Variants in CTNNA3 observed in about 807,000 individuals in gnomAD.
CTNNA3 encodes the protein catenin alpha-3.
CTNNA3 carries 76 observed loss-of-function variants against 95.7 expected under a neutral mutation model. The ratio of observed to expected loss-of-function variants is 0.79; its 90% CI spans 0.66 to 0.96. The LOEUF (loss-of-function observed/expected upper bound fraction) is 0.96, where lower values mean the gene tolerates loss of function less well. Ranked by LOEUF, CTNNA3 falls within the 40% of genes least tolerant of loss-of-function variation. CTNNA3 has a pLI of 0.00. For synonymous variants in CTNNA3, 431 were observed against 374.4 expected, an observed-to-expected ratio of 1.15 and a Z score of -1.74; for missense variants, 1,191 against 1,089.8, an observed-to-expected ratio of 1.09 and a Z score of -1.31.
intron 17 of CTNNA3, among the ~76,000 whole-genome samples, chr10:65,942,372 C>CAA (rs2077443693): frequency 6.6e-6 from 1 of 152,012 alleles, no homozygotes; most frequent in African/African-American, 2.4e-5. Flanking sequence ...ACTAAAAATA[C>CAA]AAAAATTAGC....
intron 11 of CTNNA3, among the ~76,000 whole-genome samples, chr10:66,504,425 C>T (rs1187715538): frequency 6.6e-6 from 1 of 152,118 alleles, no homozygotes; most frequent in South Asian, 2.1e-4. Context: ...AACAACAACT[C>T]GTAAAATCAG....
chr10:66,645,845 T>C (rs1459489469), intron 9 of CTNNA3, among the ~76,000 whole-genome samples: 1 of 152,168 alleles, frequency 6.6e-6, no homozygotes, highest in Non-Finnish European at 1.5e-5. Flanking sequence ...GGAAAAATTG[T>C]CTTCCATGAA....
intron 13 of CTNNA3, among the ~76,000 whole-genome samples, chr10:66,146,263 A>G (rs536875423): frequency 6.6e-6 from 1 of 152,342 alleles, no homozygotes; most frequent in East Asian, 1.9e-4. Context: ...AAGCTAGTCA[A>G]ACCAGGAGTA....
intron 3 of CTNNA3, among the ~76,000 whole-genome samples, chr10:67,572,401 C>G (rs904540587): frequency 3.3e-5 from 5 of 152,066 alleles, no homozygotes; most frequent in Non-Finnish European, 5.9e-5. Context: ...CTTTTGTGTC[C>G]CAGGGTCAGC....
At chr10:66,795,367 G>T (rs1841146825) in intron 7 of CTNNA3, among the ~76,000 whole-genome samples, 1 of 152,124 alleles carries the variant, frequency 6.6e-6, no homozygotes, top group Non-Finnish European at 1.5e-5. Flanking sequence ...CAGAGTTCTT[G>T]GGTGACTAGA....
intron 17 of CTNNA3, among the ~76,000 whole-genome samples, chr10:65,932,057 G>A (rs2077261796): frequency 6.6e-6 from 1 of 152,170 alleles, no homozygotes; most frequent in Non-Finnish European, 1.5e-5. Context: ...AGGTGAGAGG[G>A]TGTGTGTAAG....
At chr10:66,798,752 T>A (rs894939337) in intron 7 of CTNNA3, among the ~76,000 whole-genome samples, 6 of 151,652 alleles carry the variant, frequency 4.0e-5, no homozygotes, top group Non-Finnish European at 8.9e-5. Flanking sequence ...CTTTTCACCA[T>A]GTACGTTACC....
At chr10:65,973,240 A>C (rs1454891495) in intron 16 of CTNNA3, among the ~76,000 whole-genome samples, 1 of 152,136 alleles carries the variant, frequency 6.6e-6, no homozygotes, top group Non-Finnish European at 1.5e-5. Context: ...CCTCCACAAT[A>C]AGAATCCTTG....
chr10:66,919,134 T>TA (rs5785804), intron 7 of CTNNA3, among the ~76,000 whole-genome samples: 21,329 of 111,754 alleles, frequency 0.19, 2,191 homozygotes, highest in East Asian at 0.42. Flanking sequence ...GACTCTGTCT[T>TA]AAAAAAAAAA....
chr10:67,295,565 A>C (rs993110981), intron 5 of CTNNA3, among the ~76,000 whole-genome samples: 4 of 152,206 alleles, frequency 2.6e-5, no homozygotes, highest in Non-Finnish European at 5.9e-5. Flanking sequence ...ATAGGCCATA[A>C]TGCAGCTATT....
intron 11 of CTNNA3, among the ~76,000 whole-genome samples, chr10:66,388,038 T>C (rs1258656489): frequency 2.0e-5 from 3 of 152,124 alleles, no homozygotes; most frequent in Non-Finnish European, 4.4e-5. Context: ...GGCACATGTA[T>C]ACCTATGTAT....
chr10:66,069,198 C>A, intron 15 of CTNNA3, 110 bp downstream of exon 15: 2 of 1,021,524 alleles, frequency 2.0e-6, no homozygotes, highest in Non-Finnish European at 3.0e-6. Context: ...TTGCTTTTCC[C>A]CTACCACCTG....
chr10:66,517,870 C>T (rs1840919709), intron 11 of CTNNA3, among the ~76,000 whole-genome samples: 1 of 152,040 alleles, frequency 6.6e-6, no homozygotes, highest in Admixed American at 6.6e-5. Context: ...CCACCATGGG[C>T]ATAGAAAATA....
At chr10:66,546,577 G>A (rs950796350) in intron 10 of CTNNA3, among the ~76,000 whole-genome samples, 4 of 152,084 alleles carry the variant, frequency 2.6e-5, no homozygotes, top group Non-Finnish European at 4.4e-5. Context: ...TACAAATATG[G>A]TGGAAGGTGA....
chr10:67,438,675 G>A (rs1846389198), intron 5 of CTNNA3, among the ~76,000 whole-genome samples: 1 of 152,130 alleles, frequency 6.6e-6, no homozygotes, highest in Non-Finnish European at 1.5e-5. Context: ...AATTGCTGGT[G>A]CCACCCCTCC....
intron 15 of CTNNA3, among the ~76,000 whole-genome samples, chr10:66,030,497 C>T (rs1207153269): frequency 6.6e-6 from 1 of 152,178 alleles, no homozygotes; most frequent in Non-Finnish European, 1.5e-5. Flanking sequence ...GGATAACTGT[C>T]TATCCGTATA....
At chr10:66,697,343 C>T (rs1034334410) in intron 9 of CTNNA3, among the ~76,000 whole-genome samples, 1 of 150,958 alleles carries the variant, frequency 6.6e-6, no homozygotes, top group African/African-American at 2.4e-5. Flanking sequence ...GTATTGGAGT[C>T]TAGAAGAATA....
intron 5 of CTNNA3, among the ~76,000 whole-genome samples, chr10:67,471,673 C>A (rs544544344): frequency 2.6e-5 from 4 of 152,248 alleles, no homozygotes; most frequent in African/African-American, 9.6e-5. Context: ...ACAAGAGGGG[C>A]AAAGTGAAAG....
At chr10:66,196,171 G>A (rs1018369962) in intron 13 of CTNNA3, among the ~76,000 whole-genome samples, 1 of 152,124 alleles carries the variant, frequency 6.6e-6, no homozygotes, top group African/African-American at 2.4e-5. Flanking sequence ...AAAAAATAGT[G>A]AAAGAAAGTT....
Sources: gnomAD v4.1 joint callset for allele counts (sites outside exome capture counted in the v4.1 genomes callset) on GRCh38, gnomAD v4.1.1 for gene constraint, MANE v1.5 for transcripts, NCBI Gene and HGNC (gene_info 2026-07-23, HGNC 2026-07-21) for gene names.